IMMP2L: variants seen among roughly 807,000 people sequenced by gnomAD.
The protein encoded by IMMP2L is inner mitochondrial membrane peptidase subunit 2.
IMMP2L carries 18 observed loss-of-function variants against 19.3 expected under a neutral mutation model. That is an observed-to-expected ratio of 0.93 (90% CI 0.64 to 1.38). The LOEUF (loss-of-function observed/expected upper bound fraction) is 1.38. Among genes scored for constraint, IMMP2L ranks in the 40% most tolerant of loss-of-function variants. The probability of loss-of-function intolerance (pLI) is 0.00; values close to 1 mark genes in which losing one functional copy is unlikely to be tolerated. For synonymous variants in IMMP2L, 76 were observed against 73.0 expected (o/e 1.04, Z -0.21); for missense variants, 233 against 218.2 (o/e 1.07, Z -0.43).
intron 4 of IMMP2L, among the ~76,000 whole-genome samples, chr7:110,899,739 G>T (rs1441305209): frequency 6.6e-6 from 1 of 152,110 alleles, no homozygotes; most frequent in South Asian, 2.1e-4. Flanking sequence ...GCTAACCTAT[G>T]AATTCTCTGG....
At chr7:111,276,401 A>G (rs1447035932) in intron 3 of IMMP2L, among the ~76,000 whole-genome samples, 1 of 151,980 alleles carries the variant, frequency 6.6e-6, no homozygotes, top group East Asian at 1.9e-4. Context: ...TTTGGTCTGC[A>G]GTTTTCTTTT....
At chr7:111,074,083 T>C (rs1233712604) in intron 3 of IMMP2L, among the ~76,000 whole-genome samples, 1 of 152,178 alleles carries the variant, frequency 6.6e-6, no homozygotes. Flanking sequence ...TTTTGACTAT[T>C]GAACTACATG....
rs1488096637 is a variant in IMMP2L at position 111,481,124 on chromosome 7, T to C, written c.239+6114A>G. ...AGTTTAGCATGACAAAAACCAGCTG[T>C]TGAAACTGCTGTATTATGCACACTG... On this transcript the variant is annotated intron_variant, in intron 3 of 5. Coordinates refer to ENST00000405709, the MANE Select transcript of IMMP2L (RefSeq NM_032549.4). Among the ~76,000 whole-genome samples, 12 of 152,238 alleles carry C rather than the reference T, an allele frequency of 7.9e-5. No homozygotes were observed. In the East Asian group the frequency reaches 2.1e-3, roughly 27 times the overall value.
At chr7:110,845,460 AC>A (rs1465448639) in intron 5 of IMMP2L, among the ~76,000 whole-genome samples, 3 of 152,078 alleles carry the variant, frequency 2.0e-5, no homozygotes, top group Non-Finnish European at 4.4e-5. Flanking sequence ...TAATCTCCTG[AC>A]TGTTAATGAC....
chr7:110,698,891 G>T (rs930372878), intron 5 of IMMP2L, among the ~76,000 whole-genome samples: 1 of 152,152 alleles, frequency 6.6e-6, no homozygotes, highest in East Asian at 1.9e-4. Flanking sequence ...TGTCCATCTG[G>T]ATGCTTTAAG....
intron 3 of IMMP2L, among the ~76,000 whole-genome samples, chr7:111,370,046 T>A (rs893103902): frequency 1.3e-5 from 2 of 152,022 alleles, no homozygotes; most frequent in Non-Finnish European, 2.9e-5. Flanking sequence ...AGGTGACATA[T>A]TAAAATTTTA....
At chr7:111,173,859 A>G (rs1401391048) in intron 3 of IMMP2L, among the ~76,000 whole-genome samples, 2 of 151,718 alleles carry the variant, frequency 1.3e-5, no homozygotes, top group East Asian at 3.9e-4. Flanking sequence ...TAAGAAAATC[A>G]CAAGCAAATA....
intron 3 of IMMP2L, among the ~76,000 whole-genome samples, chr7:111,135,981 A>G (rs12705757): frequency 0.047 from 7,207 of 152,130 alleles, 245 homozygotes; most frequent in Non-Finnish European, 0.071. Flanking sequence ...ACTGACAGAC[A>G]TTACCATTAT....
At chr7:110,678,222 C>T (rs1376157251) in intron 5 of IMMP2L, among the ~76,000 whole-genome samples, 2 of 152,058 alleles carry the variant, frequency 1.3e-5, no homozygotes, top group Non-Finnish European at 2.9e-5. Flanking sequence ...TCTATTTATC[C>T]CACAGAGTAT....
At chr7:110,908,974 G>A (rs549376403) in intron 4 of IMMP2L, among the ~76,000 whole-genome samples, 33 of 152,210 alleles carry the variant, frequency 2.2e-4, no homozygotes, top group African/African-American at 6.5e-4. Context: ...TCATACCCGT[G>A]GTAAAGACCA....
chr7:111,286,360 T>C (rs1820480978), intron 3 of IMMP2L, among the ~76,000 whole-genome samples: 1 of 152,096 alleles, frequency 6.6e-6, no homozygotes, highest in Non-Finnish European at 1.5e-5. Flanking sequence ...TCCTTAAGCA[T>C]TCCACCACGA....
chr7:111,119,269 T>C (rs1487967905), intron 3 of IMMP2L, among the ~76,000 whole-genome samples: 1 of 152,212 alleles, frequency 6.6e-6, no homozygotes, highest in Non-Finnish European at 1.5e-5. Flanking sequence ...GCAATAGATT[T>C]CTATTTTCAT....
At chr7:111,095,137 A>G (rs1279723200) in intron 3 of IMMP2L, among the ~76,000 whole-genome samples, 1 of 151,982 alleles carries the variant, frequency 6.6e-6, no homozygotes, top group African/African-American at 2.4e-5. Flanking sequence ...GCTTCAGGAG[A>G]CGGGGAATAA....
intron 3 of IMMP2L, among the ~76,000 whole-genome samples, chr7:111,434,497 T>G (rs538305259): frequency 6.6e-6 from 1 of 151,528 alleles, no homozygotes; most frequent in African/African-American, 2.4e-5. Flanking sequence ...GCAAAGGACA[T>G]GAACAGTCAT....
At chr7:110,740,757 A>G (rs1796940236) in intron 5 of IMMP2L, among the ~76,000 whole-genome samples, 1 of 152,090 alleles carries the variant, frequency 6.6e-6, no homozygotes, top group South Asian at 2.1e-4. Flanking sequence ...ATAAAAAAAA[A>G]TAGAGTTGGC....
intron 3 of IMMP2L, among the ~76,000 whole-genome samples, chr7:111,194,647 T>A (rs1809278355): frequency 6.6e-6 from 1 of 152,172 alleles, no homozygotes. Flanking sequence ...GTCTTCACAG[T>A]CAAATATATA....
chr7:110,885,921 C>T (rs527993264), intron 5 of IMMP2L, among the ~76,000 whole-genome samples: 3 of 152,136 alleles, frequency 2.0e-5, no homozygotes, highest in East Asian at 3.9e-4. Flanking sequence ...AAATAATTAT[C>T]TTCCTTTAGC....
At chr7:111,242,000 C>T (rs925398409) in intron 3 of IMMP2L, among the ~76,000 whole-genome samples, 2 of 151,782 alleles carry the variant, frequency 1.3e-5, no homozygotes, top group African/African-American at 2.4e-5. Flanking sequence ...ATGGAAAATG[C>T]CTTTAACCAA....
chr7:111,075,153 A>ATC (rs1322222490), intron 3 of IMMP2L, among the ~76,000 whole-genome samples: 4 of 119,560 alleles, frequency 3.3e-5, no homozygotes, highest in Admixed American at 1.1e-4. Flanking sequence ...TTGAGATGGA[A>ATC]TCTCTCTCTG....
Sources: gnomAD v4.1 joint callset for allele counts (sites outside exome capture counted in the v4.1 genomes callset) on GRCh38, gnomAD v4.1.1 for gene constraint, MANE v1.5 for transcripts, NCBI Gene and HGNC (gene_info 2026-07-23, HGNC 2026-07-21) for gene names.